Variants in NEGR1 observed in about 807,000 individuals in gnomAD.
NEGR1 encodes the protein IgLON family member 4.
Under a neutral mutation model 40.9 loss-of-function variants are expected in NEGR1, and 10 were observed. The observed-to-expected ratio is 0.24, with a 90% CI of 0.15 to 0.42. NEGR1 has a LOEUF of 0.42. NEGR1 is among the 10% of genes least tolerant of loss of function. The pLI, the probability that NEGR1 is intolerant of heterozygous loss-of-function variation, is 1.00. For synonymous variants in NEGR1, 185 were observed against 166.8 expected (o/e 1.11, Z -0.84); for missense variants, 352 against 438.9 (o/e 0.80, Z 1.77).
intron 6 of NEGR1, among the ~76,000 whole-genome samples, chr1:71,442,479 C>T (rs527935946): frequency 3.3e-5 from 5 of 151,958 alleles, no homozygotes; most frequent in Non-Finnish European, 5.9e-5. Context: ...CTGGGCGTGG[C>T]GGCATGCGCC....
intron 1 of NEGR1, among the ~76,000 whole-genome samples, chr1:72,204,149 C>T (rs1014554309): frequency 6.6e-6 from 1 of 151,974 alleles, no homozygotes; most frequent in East Asian, 1.9e-4. Flanking sequence ...CTTGAAATTG[C>T]ATCAAACAAA....
At chr1:71,812,177 TGAC>T (rs1658027470) in intron 2 of NEGR1, among the ~76,000 whole-genome samples, 1 of 152,122 alleles carries the variant, frequency 6.6e-6, no homozygotes, top group Non-Finnish European at 1.5e-5. Flanking sequence ...GTTAGTTTGC[TGAC>T]GGCAATGGCT....
At chr1:71,747,444 A>G (rs1464626892) in intron 3 of NEGR1, among the ~76,000 whole-genome samples, 2 of 147,806 alleles carry the variant, frequency 1.4e-5, no homozygotes, top group East Asian at 3.9e-4. Flanking sequence ...TTTTTTTTTC[A>G]GACAGAGTCT....
At chr1:71,596,458 T>C (rs1649716043) in intron 5 of NEGR1, among the ~76,000 whole-genome samples, 2 of 152,220 alleles carry the variant, frequency 1.3e-5, no homozygotes, top group Non-Finnish European at 2.9e-5. Context: ...AAGTAGCACA[T>C]GGAAAGCCTG....
intron 3 of NEGR1, among the ~76,000 whole-genome samples, chr1:71,746,631 A>G (rs1245940143): frequency 6.6e-6 from 1 of 151,902 alleles, no homozygotes; most frequent in East Asian, 1.9e-4. Flanking sequence ...ATTTTCCTCA[A>G]TGCATCTTCT....
intron 6 of NEGR1, among the ~76,000 whole-genome samples, chr1:71,439,357 T>C (rs1187698481): frequency 2.6e-5 from 4 of 152,078 alleles, no homozygotes; most frequent in Admixed American, 2.6e-4. Flanking sequence ...TCAATAATGT[T>C]TTTGTTTGTT....
chr1:72,024,151 C>T (rs938091580), intron 1 of NEGR1, among the ~76,000 whole-genome samples: 2 of 152,128 alleles, frequency 1.3e-5, no homozygotes, highest in South Asian at 2.1e-4. Flanking sequence ...TGATTTCTCA[C>T]ACATAGCCAG....
rs776529517 is a variant in NEGR1 at position 71,696,012 on chromosome 1, T to G, written c.667+1996A>C. Among the ~76,000 whole-genome samples the G allele has an allele frequency of 1.6e-4, 24 of 151,794 alleles. 1 individual carries two copies. The highest frequency in any genetic ancestry group is 4.1e-4 in the South Asian group (2 of 4,830). ...TAGTAACTGGGTCTTAAGGAACTGA[T>G]GCAAGAAAATGACAACACTCTGACT... On this transcript the variant is annotated intron_variant, in intron 4 of 6. Coordinates refer to ENST00000357731, the MANE Select transcript of NEGR1 (RefSeq NM_173808.3).
chr1:71,968,726 T>C (rs561880780), intron 1 of NEGR1, among the ~76,000 whole-genome samples: 89 of 152,360 alleles, frequency 5.8e-4, no homozygotes, highest in African/African-American at 2.1e-3. Flanking sequence ...TATTTTCTAA[T>C]TGGAAACATC....
intron 2 of NEGR1, among the ~76,000 whole-genome samples, chr1:71,897,998 G>A (rs535001839): frequency 1.3e-5 from 2 of 152,220 alleles, no homozygotes; most frequent in Non-Finnish European, 2.9e-5. Context: ...TTACTTTACG[G>A]ATAGTATTTT....
At chr1:71,519,999 C>G (rs1557553040) in intron 6 of NEGR1, among the ~76,000 whole-genome samples, 3 of 151,902 alleles carry the variant, frequency 2.0e-5, no homozygotes, top group Admixed American at 2.0e-4. Context: ...TGAGGATTAT[C>G]TAATACACAA....
chr1:71,837,662 GTTTTCAACATGAA>G (rs1659088080), intron 2 of NEGR1, among the ~76,000 whole-genome samples: 1 of 151,878 alleles, frequency 6.6e-6, no homozygotes, highest in Non-Finnish European at 1.5e-5. Context: ...ATAATCTTAT[GTTTTCAACATGAA>G]ATGTTCTTTT....
intron 6 of NEGR1, among the ~76,000 whole-genome samples, chr1:71,466,469 A>C (rs1307045217): frequency 1.3e-5 from 2 of 152,100 alleles, no homozygotes; most frequent in Non-Finnish European, 2.9e-5. Context: ...GGGTATAATA[A>C]ATAATTAAAA....
At chr1:72,084,834 C>CT (rs1197065983) in intron 1 of NEGR1, among the ~76,000 whole-genome samples, 1 of 152,080 alleles carries the variant, frequency 6.6e-6, no homozygotes, top group Non-Finnish European at 1.5e-5. Context: ...TGTATATGAA[C>CT]TAAAATATCT....
intron 6 of NEGR1, among the ~76,000 whole-genome samples, chr1:71,446,606 T>C (rs1489988355): frequency 2.0e-5 from 3 of 152,236 alleles, no homozygotes; most frequent in African/African-American, 7.2e-5. Flanking sequence ...TAATTAAAGT[T>C]GACAATATTA....
At chr1:71,672,703 T>C (rs542825227) in intron 4 of NEGR1, among the ~76,000 whole-genome samples, 19 of 152,190 alleles carry the variant, frequency 1.2e-4, no homozygotes, top group Non-Finnish European at 2.5e-4. Flanking sequence ...GGTAAGCACT[T>C]TGACAGACTT....
chr1:71,525,689 T>G (rs1447443609), intron 6 of NEGR1, among the ~76,000 whole-genome samples: 1 of 151,660 alleles, frequency 6.6e-6, no homozygotes, highest in African/African-American at 2.4e-5. Flanking sequence ...CCAAATATAA[T>G]GTAAGGTATT....
At chr1:72,151,610 A>T (rs970527381) in intron 1 of NEGR1, among the ~76,000 whole-genome samples, 7 of 151,794 alleles carry the variant, frequency 4.6e-5, no homozygotes, top group Non-Finnish European at 1.0e-4. Context: ...ACTATGCAAA[A>T]TTTACTGGAA....
At chr1:71,836,658 A>G (rs1659044287) in intron 2 of NEGR1, among the ~76,000 whole-genome samples, 1 of 151,956 alleles carries the variant, frequency 6.6e-6, no homozygotes, top group African/African-American at 2.4e-5. Context: ...ATTCCTATAA[A>G]AAAAACTCAC....
Sources: gnomAD v4.1 joint callset for allele counts (sites outside exome capture counted in the v4.1 genomes callset) on GRCh38, gnomAD v4.1.1 for gene constraint, MANE v1.5 for transcripts, NCBI Gene and HGNC (gene_info 2026-07-23, HGNC 2026-07-21) for gene names.